Variants in NMNAT2 observed in about 807,000 individuals in gnomAD.
NMNAT2 encodes nicotinamide/nicotinic acid mononucleotide adenylyltransferase 2.
NMNAT2 carries 11 observed loss-of-function variants against 41.6 expected under a neutral mutation model. The ratio of observed to expected loss-of-function variants is 0.26; its 90% CI spans 0.17 to 0.44. The LOEUF (loss-of-function observed/expected upper bound fraction) is 0.44, where lower values mean the gene tolerates loss of function less well. Among genes scored for constraint, NMNAT2 ranks in the 20% least tolerant of loss-of-function variants. The pLI, the probability that NMNAT2 is intolerant of heterozygous loss-of-function variation, is 1.00. For synonymous variants in NMNAT2, 148 were observed against 151.2 expected (o/e 0.98, Z 0.16); for missense variants, 288 against 407.7 (o/e 0.71, Z 2.53).
At chr1:183,270,327 G>A (rs958514931) in intron 8 of NMNAT2, among the ~76,000 whole-genome samples, 2 of 152,126 alleles carry the variant, frequency 1.3e-5, no homozygotes, top group African/African-American at 4.8e-5. Context: ...ACTTCTGGAT[G>A]AGTTTAAAAA....
chr1:183,360,884 T>A (rs1298222008), intron 1 of NMNAT2, among the ~76,000 whole-genome samples: 5 of 152,320 alleles, frequency 3.3e-5, no homozygotes, highest in African/African-American at 1.2e-4. Flanking sequence ...TTTTATTTTT[T>A]AAAAAATACA....
At chr1:183,416,965 G>T (rs967810507) in intron 1 of NMNAT2, among the ~76,000 whole-genome samples, 4 of 152,230 alleles carry the variant, frequency 2.6e-5, no homozygotes, top group African/African-American at 4.8e-5. Context: ...CCTTGCTGGC[G>T]GGCCAGGTCA....
intron 4 of NMNAT2, 86 bp downstream of exon 4, chr1:183,290,042 C>G: frequency 9.1e-7 from 1 of 1,098,434 alleles, no homozygotes. Context: ...GCACCCTCTC[C>G]TCTCCCTGCC....
At chr1:183,336,519 T>C (rs1662680264) in intron 1 of NMNAT2, among the ~76,000 whole-genome samples, 1 of 152,166 alleles carries the variant, frequency 6.6e-6, no homozygotes, top group South Asian at 2.1e-4. Flanking sequence ...ATCATATCAC[T>C]TCATATGGAT....
Position 183,292,826 on chromosome 1 carries a change from A to C in NMNAT2, c.206T>G (p.Met69Arg). The change falls in exon 3 of 11, where the codon ATG becomes AGG. Residue 69 changes from methionine to arginine, a missense_variant. Coordinates refer to ENST00000287713, the MANE Select transcript of NMNAT2 (RefSeq NM_015039.4). ...AGAATTCTGGACGGCCAGCTGACAC[A>C]TGATGAGACGGTGCCGGCTTGACAC... ...GLVSSRHRLIMCQLAVQNSDW... is the reference protein window; with the variant it reads ...GLVSSRHRLIRCQLAVQNSDW... The C allele has an allele frequency of 6.2e-7, 1 of 1,614,114 alleles. No homozygotes were observed. The highest frequency in any genetic ancestry group is 8.5e-7 in the Non-Finnish European group (1 of 1,180,002).
intron 1 of NMNAT2, among the ~76,000 whole-genome samples, chr1:183,330,890 G>C (rs780617614): frequency 6.6e-6 from 1 of 152,164 alleles, no homozygotes; most frequent in Non-Finnish European, 1.5e-5. Flanking sequence ...TCAGGGCTCA[G>C]AGCTCCCAGT....
chr1:183,252,321 G>C lies in NMNAT2; in HGVS notation c.*320C>G. 3.0e-6 allele frequency: 1 copy of C among 329,636 alleles called. No homozygotes were observed. The highest frequency in any genetic ancestry group is 3.4e-5 in the South Asian group (1 of 29,580). The allele number at this position is 329,636 out of a possible 1,614,324, so 20.4% of individuals were successfully genotyped here. A position where few individuals can be genotyped will look rare whatever the true frequency, so the allele number is the denominator to read the frequency against. On this transcript the variant is annotated 3_prime_UTR_variant, in exon 11 of 11. Coordinates refer to ENST00000287713, the MANE Select transcript of NMNAT2 (RefSeq NM_015039.4). The stretch of plus-strand genomic sequence containing the variant: ...AGAGCCGCCTCCCCAGAGCGTGCTG[G>C]GAGGATGGGCACCAGAGCCGCCTCT...
intron 1 of NMNAT2, among the ~76,000 whole-genome samples, chr1:183,317,087 G>C (rs986572715): frequency 6.6e-6 from 1 of 152,224 alleles, no homozygotes; most frequent in Non-Finnish European, 1.5e-5. Context: ...TCTAAAATGG[G>C]AATTCCAGTA....
At chr1:183,310,667 G>T (rs907126959) in intron 1 of NMNAT2, among the ~76,000 whole-genome samples, 7 of 152,168 alleles carry the variant, frequency 4.6e-5, no homozygotes, top group African/African-American at 1.4e-4. Flanking sequence ...GAAGCCAGGG[G>T]TTTTGCTTAA....
At chr1:183,359,966 T>A (rs1177701608) in intron 1 of NMNAT2, among the ~76,000 whole-genome samples, 1 of 152,232 alleles carries the variant, frequency 6.6e-6, no homozygotes, top group Non-Finnish European at 1.5e-5. Flanking sequence ...CATCCTTATA[T>A]ATAGTTAAGT....
chr1:183,384,880 T>A (rs1399676237), intron 1 of NMNAT2, among the ~76,000 whole-genome samples: 1 of 152,058 alleles, frequency 6.6e-6, no homozygotes, highest in African/African-American at 2.4e-5. Flanking sequence ...ATATATACTA[T>A]GACCAAGACC....
intron 8 of NMNAT2, among the ~76,000 whole-genome samples, chr1:183,273,637 A>T (rs932247035): frequency 6.6e-6 from 1 of 152,158 alleles, no homozygotes; most frequent in South Asian, 2.1e-4. Context: ...ACCTTCCCCA[A>T]ATAAGAGCAG....
intron 4 of NMNAT2, among the ~76,000 whole-genome samples, chr1:183,289,556 C>T (rs1040677218): frequency 2.0e-5 from 3 of 152,210 alleles, no homozygotes; most frequent in Non-Finnish European, 4.4e-5. Context: ...TCTCTGTGAT[C>T]CCTTTTACCC....
rs151298606 is a variant in NMNAT2 at position 183,375,256 on chromosome 1, A to G, written c.85+42927T>C. Among the ~76,000 whole-genome samples, 496 of 152,322 alleles carry G rather than the reference A, an allele frequency of 3.3e-3. 1 individual carries two copies. Among genetic ancestry groups the G allele is most frequent in the African/African-American group, 0.011 (437 of 41,576 alleles). ...AAACAAATAATAACAACCCATGGCCAGTGCTTCCCTTTATTTATCCAATCA... is the reference window on the plus strand; with the variant it reads ...AAACAAATAATAACAACCCATGGCCGGTGCTTCCCTTTATTTATCCAATCA... On this transcript the variant is annotated intron_variant, in intron 1 of 10. Coordinates refer to ENST00000287713, the MANE Select transcript of NMNAT2 (RefSeq NM_015039.4).
At chr1:183,411,010 G>T (rs980276171) in intron 1 of NMNAT2, among the ~76,000 whole-genome samples, 1 of 151,628 alleles carries the variant, frequency 6.6e-6, no homozygotes, top group South Asian at 2.1e-4. Flanking sequence ...GAGCCACCAC[G>T]CCCAGCCAAG....
At chr1:183,252,796 G>T in intron 10 of NMNAT2, 53 bp from the exon 11 acceptor site, 1 of 1,339,282 alleles carries the variant, frequency 7.5e-7, no homozygotes, top group Non-Finnish European at 1.1e-6. Context: ...AAGCAAGTCA[G>T]GAGGACTGGC....
chr1:183,315,555 G>A (rs1215825789), intron 1 of NMNAT2, among the ~76,000 whole-genome samples: 7 of 151,816 alleles, frequency 4.6e-5, no homozygotes, highest in African/African-American at 1.5e-4. Flanking sequence ...AGGCCGAGGC[G>A]GGTGGATCAG....
intron 1 of NMNAT2, among the ~76,000 whole-genome samples, chr1:183,391,030 G>A (rs1557898147): frequency 6.6e-6 from 1 of 152,164 alleles, no homozygotes; most frequent in Non-Finnish European, 1.5e-5. Context: ...TTTTGAAGGA[G>A]GGATAGGGCC....
intron 1 of NMNAT2, among the ~76,000 whole-genome samples, chr1:183,343,284 G>A (rs564435470): frequency 6.6e-6 from 1 of 152,150 alleles, no homozygotes; most frequent in African/African-American, 2.4e-5. Context: ...ATACACTCTA[G>A]TTCATTAATT....
Sources: allele counts gnomAD v4.1 joint callset (sites outside exome capture counted in the v4.1 genomes callset), GRCh38; gene constraint gnomAD v4.1.1; transcripts MANE v1.5; gene names NCBI Gene and HGNC (gene_info 2026-07-23, HGNC 2026-07-21).